CEP44: variants seen among roughly 807,000 people sequenced by gnomAD.
The protein encoded by CEP44 is centrosomal protein 44, also known as centrosomal protein of 44 kDa.
In CEP44, 45 loss-of-function variants were observed where a neutral mutation model predicts 46.7. That is an observed-to-expected ratio of 0.96 (90% CI 0.76 to 1.24). The LOEUF (loss-of-function observed/expected upper bound fraction) is 1.24, where lower values mean the gene tolerates loss of function less well. Among genes scored for constraint, CEP44 ranks in the 50% most tolerant of loss-of-function variants. The pLI, the probability that CEP44 is intolerant of heterozygous loss-of-function variation, is 0.00. For missense variants in CEP44, 475 were observed against 459.7 expected (o/e 1.03, Z -0.30); for synonymous variants, 142 against 146.0 (o/e 0.97, Z 0.20).
chr4:174,318,740 TTTTGTG>T lies in CEP44; in HGVS notation c.*1364_*1369del. 1.3e-6 allele frequency: 1 copy of T among 789,104 alleles called. No individual in the cohort carries two copies. The highest frequency in any genetic ancestry group is 1.5e-6 in the Non-Finnish European group (1 of 651,992). The allele number at this position is 789,104 out of a possible 1,614,324, so 48.9% of individuals were successfully genotyped here. A position where few individuals can be genotyped will look rare whatever the true frequency, so the allele number is the denominator to read the frequency against. ...TATGAGTAGAAATCACTTAAATTTT[TTTTGTG>T]TTTGTGAATTTGAAACAGTGTAAGA... is the stretch of plus-strand genomic sequence containing the variant. On this transcript the variant is annotated 3_prime_UTR_variant, in exon 12 of 12. Coordinates refer to ENST00000503780, the MANE Select transcript of CEP44 (RefSeq NM_001040157.3).
At position 174,319,729 on chromosome 4, in the gene CEP44, G is replaced by A. The variant is rs1016406911; in HGVS notation, c.*2346G>A. 6.8e-6 allele frequency: 6 copies of A among 886,778 alleles called. No homozygotes were observed. The highest frequency in any genetic ancestry group is 3.6e-5 in the African/African-American group (2 of 55,670). The allele number at this position is 886,778 out of a possible 1,614,324, so 54.9% of individuals were successfully genotyped here. A position where few individuals can be genotyped will look rare whatever the true frequency, so the allele number is the denominator to read the frequency against. ...ACTTGTCTAACAACTCTCTAATAGG[G>A]ACTAAAAATCAACTCAATATATCAT... On this transcript the variant is annotated 3_prime_UTR_variant, in exon 12 of 12. Coordinates refer to ENST00000503780, the MANE Select transcript of CEP44 (RefSeq NM_001040157.3).
In CEP44 at chr4:174,320,103, A is replaced by T. The variant is rs906565134; in HGVS notation, c.*2720A>T. 1.0e-6 allele frequency: 1 copy of T among 985,246 alleles called. No individual in the cohort carries two copies. Among genetic ancestry groups the T allele is most frequent in the African/African-American group, 1.7e-5 (1 of 57,230 alleles). 61.0% of individuals were successfully genotyped at this position (985,246 alleles called of 1,614,324 possible). On this transcript the variant is annotated 3_prime_UTR_variant, in exon 12 of 12. Coordinates refer to ENST00000503780, the MANE Select transcript of CEP44 (RefSeq NM_001040157.3). ...GCTGCCCTGTCTATGTTATGCTCTGAATAGGTCTCGGTAAAGATTATATGG... is the reference window on the plus strand; with the variant it reads ...GCTGCCCTGTCTATGTTATGCTCTGTATAGGTCTCGGTAAAGATTATATGG...
rs1741131834 is a variant in CEP44, at chr4:174,311,997, A to C, written c.961+1139A>C. On this transcript the variant is annotated intron_variant, in intron 9 of 11. Coordinates refer to ENST00000503780, the MANE Select transcript of CEP44 (RefSeq NM_001040157.3). This position sits in a 1 kb window ranked among gnomAD's most constrained non-coding sequence, Gnocchi z 4.4. The stretch of plus-strand genomic sequence containing the variant: ...TATCCATTCATATATCTATTCAACA[A>C]ATGTTAATGCTTGAGTATAAGATCC... 6.6e-6 allele frequency among the ~76,000 whole-genome samples: 1 copy of C among 152,210 alleles called. No individual in the cohort carries two copies. Among genetic ancestry groups the C allele is most frequent in the South Asian group, 2.1e-4 (1 of 4,832 alleles).
Position 174,311,976 on chromosome 4 carries a change from CATTCATATATCT to C in CEP44, c.961+1124_961+1135del, listed in dbSNP as rs1458955035. ...TAAAATGTTGCCTGTTTTATTTATC[CATTCATATATCT>C]ATTCAACAAATGTTAATGCTTGAGT... is the stretch of plus-strand genomic sequence containing the variant. On this transcript the variant is annotated intron_variant, in intron 9 of 11. Transcript: ENST00000503780. The surrounding 1 kb of genome is among the most constrained non-coding windows in gnomAD (Gnocchi z 4.4). Among the ~76,000 whole-genome samples the C allele has an allele frequency of 6.6e-6, 1 of 152,174 alleles. No individual in the cohort carries two copies. Among genetic ancestry groups the C allele is most frequent in the African/African-American group, 2.4e-5 (1 of 41,444 alleles).
rs74631219 is a variant in CEP44 at position 174,309,122 on chromosome 4, C to G, written c.678+263C>G. On this transcript the variant is annotated intron_variant, in intron 7 of 11. Coordinates refer to ENST00000503780, the MANE Select transcript of CEP44 (RefSeq NM_001040157.3). This position sits in a 1 kb window ranked among gnomAD's most constrained non-coding sequence, Gnocchi z 5.3. ...ATGGTACTTGGCTTTAAGGAATCTA[C>G]AATTTAGTGAGACATAGCGATATGC... Among the ~76,000 whole-genome samples the G allele has an allele frequency of 2.5e-3, 381 of 152,170 alleles. No homozygotes were observed. Among genetic ancestry groups the G allele is most frequent in the African/African-American group, 8.8e-3 (367 of 41,536 alleles).
chr4:174,298,276 C>G (rs1001292950), intron 2 of CEP44, among the ~76,000 whole-genome samples: 2 of 146,234 alleles, frequency 1.4e-5, no homozygotes, highest in African/African-American at 5.0e-5. Flanking sequence ...CCCGGGTTCA[C>G]GCCATTCTCC....
chr4:174,287,464 C>A lies in CEP44; in HGVS notation c.-148+3521C>A, dbSNP rs1737694994. Among the ~76,000 whole-genome samples the A allele has an allele frequency of 6.6e-6, 1 of 152,120 alleles. No individual in the cohort carries two copies. The highest frequency in any genetic ancestry group is 2.4e-5 in the African/African-American group (1 of 41,422). ...GGGAAGGAGTTGCTCTGTATCTCTT[C>A]AAGCTTGAAGAAATGGCATGTGCAA... is the stretch of plus-strand genomic sequence containing the variant. On this transcript the variant is annotated intron_variant, in intron 1 of 11. Transcript: ENST00000503780. This position sits in a 1 kb window ranked among gnomAD's most constrained non-coding sequence, Gnocchi z 5.1.
chr4:174,295,637 G>A (rs374317445), intron 1 of CEP44, among the ~76,000 whole-genome samples: 1,652 of 152,122 alleles, frequency 0.011, 22 homozygotes, highest in African/African-American at 0.038. Context: ...CAAGGCAGGC[G>A]GCTGGGAGGT....
chr4:174,285,125 T>C (rs1737431616), intron 1 of CEP44, among the ~76,000 whole-genome samples: 1 of 152,244 alleles, frequency 6.6e-6, no homozygotes, highest in African/African-American at 2.4e-5. Context: ...AGCTTCTTTA[T>C]TATTGAATCT....
rs974657976 is a variant in CEP44 at position 174,314,955 on chromosome 4, A to G, written c.962-1211A>G. Among the ~76,000 whole-genome samples the G allele has an allele frequency of 6.6e-6, 1 of 152,302 alleles. No homozygotes were observed. The highest frequency in any genetic ancestry group is 1.9e-4 in the East Asian group (1 of 5,186). On this transcript the variant is annotated intron_variant, in intron 9 of 11. Transcript: ENST00000503780. The surrounding 1 kb of genome is among the most constrained non-coding windows in gnomAD (Gnocchi z 4.1). Reference sequence around the variant, plus strand: ...TAGCATTTGGAATTAGGACACCACGAGTTAGTTAGTCAAATGATATTGAGC... The same window carrying G: ...TAGCATTTGGAATTAGGACACCACGGGTTAGTTAGTCAAATGATATTGAGC...
In CEP44 at chr4:174,325,392, G is replaced by C. The variant is rs145586749; in HGVS notation, c.1087-6090G>C. On this transcript the variant is annotated intron_variant, in intron 8 of 8. Transcript: ENST00000426172. The surrounding 1 kb of genome is among the most constrained non-coding windows in gnomAD (Gnocchi z 4.4). Reference sequence around the variant, plus strand: ...GGTGTAGCCATGTACAGTCACTCATGCCTGTAATTCCAGCACTTTGGGAGG... The same window carrying C: ...GGTGTAGCCATGTACAGTCACTCATCCCTGTAATTCCAGCACTTTGGGAGG... Among the ~76,000 whole-genome samples the C allele has an allele frequency of 2.5e-3, 379 of 152,176 alleles. No homozygotes were observed. Among genetic ancestry groups the C allele is most frequent in the African/African-American group, 8.7e-3 (360 of 41,518 alleles).
exon 9 of CEP44, chr4:174,332,073 C>G: frequency 6.5e-6 from 1 of 153,466 alleles, no homozygotes. Context: ...CTATTAAGAT[C>G]ACACATAGGT....
Position 174,310,153 on chromosome 4 carries a change from G to T in CEP44, c.885+97G>T. 2.0e-6 allele frequency: 2 copies of T among 1,020,320 alleles called. No individual in the cohort carries two copies. Among genetic ancestry groups the T allele is most frequent in the Non-Finnish European group, 2.8e-6 (2 of 710,612 alleles). The allele number at this position is 1,020,320 out of a possible 1,614,324, so 63.2% of individuals were successfully genotyped here. Reference sequence around the variant, plus strand: ...ATTTTTTTGGAAATGCTAAATATGAGAATATTTGAATAATGAGAAAATGTC... The same window carrying T: ...ATTTTTTTGGAAATGCTAAATATGATAATATTTGAATAATGAGAAAATGTC... On this transcript the variant is annotated intron_variant, in intron 8 of 11. Coordinates refer to ENST00000503780, the MANE Select transcript of CEP44 (RefSeq NM_001040157.3). The surrounding 1 kb of genome is among the most constrained non-coding windows in gnomAD (Gnocchi z 4.2).
downstream of CEP44, among the ~76,000 whole-genome samples, chr4:174,323,365 A>G (rs1308955426): frequency 6.6e-6 from 1 of 152,098 alleles, no homozygotes; most frequent in Non-Finnish European, 1.5e-5. Context: ...GATAAAATTC[A>G]CCAATTTCAG....
Position 174,301,959 on chromosome 4 carries a change from A to G in CEP44, c.90-80A>G. 1 of 1,224,982 alleles carries G rather than the reference A, an allele frequency of 8.2e-7. No homozygotes were observed. Among genetic ancestry groups the G allele is most frequent in the Non-Finnish European group, 1.1e-6 (1 of 885,994 alleles). 75.9% of individuals were successfully genotyped at this position (1,224,982 alleles called of 1,614,324 possible). A position where few individuals can be genotyped will look rare whatever the true frequency, so the allele number is the denominator to read the frequency against. On this transcript the variant is annotated intron_variant, in intron 3 of 11. Coordinates refer to ENST00000503780, the MANE Select transcript of CEP44 (RefSeq NM_001040157.3). This position sits in a 1 kb window ranked among gnomAD's most constrained non-coding sequence, Gnocchi z 4.3. ...TTTTAAATTATTATAAACATTTCTAATATTTTCTTGATTATCCAACTTTGT... is the reference window on the plus strand; with the variant it reads ...TTTTAAATTATTATAAACATTTCTAGTATTTTCTTGATTATCCAACTTTGT...
chr4:174,295,769 CTT>C (rs1030434982), intron 1 of CEP44, among the ~76,000 whole-genome samples: 2 of 152,260 alleles, frequency 1.3e-5, no homozygotes, highest in Non-Finnish European at 2.9e-5. Context: ...CATATATCCT[CTT>C]TAGTGAGATA....
Position 174,299,225 on chromosome 4 carries a change from CA to C in CEP44, c.89+18del. 1 of 1,580,740 alleles carries C rather than the reference CA, an allele frequency of 6.3e-7. No individual in the cohort carries two copies. Among genetic ancestry groups the C allele is most frequent in the Non-Finnish European group, 8.6e-7 (1 of 1,158,502 alleles). On this transcript the variant is annotated intron_variant, in intron 3 of 11. Coordinates refer to ENST00000503780, the MANE Select transcript of CEP44 (RefSeq NM_001040157.3). Reference sequence around the variant, plus strand: ...GACTGTGTAGGGTAAGCTATAATATCAAACTTAATTGTATTCTTCTTGCTAG... The same window carrying C: ...GACTGTGTAGGGTAAGCTATAATATCAACTTAATTGTATTCTTCTTGCTAG...
chr4:174,315,568 A>G (rs1373268986), intron 9 of CEP44, among the ~76,000 whole-genome samples: 1 of 152,212 alleles, frequency 6.6e-6, no homozygotes, highest in Non-Finnish European at 1.5e-5. Context: ...AATTTGTGAA[A>G]TGCTTAAATG....
rs138242221 is a variant in CEP44, at chr4:174,314,639, G to GC, written c.962-1522dup. 0.014 allele frequency among the ~76,000 whole-genome samples: 2,139 copies of GC among 152,126 alleles called. 50 individuals are homozygous for GC. The highest frequency in any genetic ancestry group is 0.048 in the African/African-American group (1,996 of 41,494). On this transcript the variant is annotated intron_variant, in intron 9 of 11. Coordinates refer to ENST00000503780, the MANE Select transcript of CEP44 (RefSeq NM_001040157.3). This position sits in a 1 kb window ranked among gnomAD's most constrained non-coding sequence, Gnocchi z 4.1. ...CCCGGACCTGTTTCCTTTTCCTAGG[G>GC]CCCCCTCCTCTTTTTGGAAAGATGT...
Sources: allele counts gnomAD v4.1 joint callset (sites outside exome capture counted in the v4.1 genomes callset), GRCh38; gene constraint gnomAD v4.1.1; non-coding constraint Gnocchi (gnomAD v3.1); transcripts MANE v1.5; gene names NCBI Gene and HGNC (gene_info 2026-07-23, HGNC 2026-07-21).